MOGS: variants seen among roughly 807,000 people sequenced by gnomAD.
The protein encoded by MOGS is epididymis secretory sperm binding protein.
A neutral mutation model predicts 68.5 loss-of-function variants in MOGS; 45 were observed. That is an observed-to-expected ratio of 0.66 (90% CI 0.52 to 0.84). MOGS has a LOEUF of 0.84. Among genes scored for constraint, MOGS ranks in the 40% least tolerant of loss-of-function variants. The pLI is 0.00. For synonymous variants in MOGS, 492 were observed against 461.2 expected (o/e 1.07, Z -0.86); for missense variants, 1,020 against 1,095.0 (o/e 0.93, Z 0.97).
chr2:74,465,003 G>A lies in MOGS; in HGVS notation c.245C>T (p.Pro82Leu). The change falls in exon 1 of 4, where the codon CCT becomes CTT. Residue 82 changes from proline to leucine, a missense_variant. Physicochemically the swap from Pro to Leu is moderately conservative, Grantham distance 98. Coordinates refer to ENST00000448666, the MANE Select transcript of MOGS (RefSeq NM_006302.3). ...CACGGCGGGGCTGGAGGAGTCGGCAGGCAACACAGGAGGCGCGGAGTGCAG... is the reference window on the plus strand; with the variant it reads ...CACGGCGGGGCTGGAGGAGTCGGCAAGCAACACAGGAGGCGCGGAGTGCAG... ...VTLHSAPPVLPADSSSPAVAP... is the reference protein window; with the variant it reads ...VTLHSAPPVLLADSSSPAVAP... 6.4e-7 allele frequency: 1 copy of A among 1,556,762 alleles called. No individual in the cohort carries two copies. The highest frequency in any genetic ancestry group is 8.7e-7 in the Non-Finnish European group (1 of 1,150,260).
rs191809458 is a variant in MOGS at position 74,463,696 on chromosome 2, C to G, written c.580-310G>C. On this transcript the variant is annotated intron_variant, in intron 2 of 3. Transcript: ENST00000448666. ...TTTTTTTTTTTGAGGCGGAGTCTCG[C>G]TCTGTCGCCCAGGCTGGAGTGCAGT... The G allele has an allele frequency of 8.1e-3, 2,330 of 287,806 alleles. 12 individuals carry two copies. Among genetic ancestry groups the G allele is most frequent in the Non-Finnish European group, 0.011 (1,637 of 152,574 alleles). The allele number at this position is 287,806 out of a possible 1,614,324, so 17.8% of individuals were successfully genotyped here.
At position 74,462,907 on chromosome 2, in the gene MOGS, AGGG is replaced by A; in HGVS notation, c.879_881del (p.Pro294del). On this transcript the variant is annotated inframe_deletion, in exon 4 of 4. Coordinates refer to ENST00000448666, the MANE Select transcript of MOGS (RefSeq NM_006302.3). ...ATCCTGGCAAGCCGAGGTAGCGTTC[AGGG>A]GGGGCCCCTGGGGGCCGATGCTGAA... The A allele has an allele frequency of 1.2e-6, 2 of 1,613,844 alleles. No homozygotes were observed. The highest frequency in any genetic ancestry group is 1.7e-6 in the Non-Finnish European group (2 of 1,179,938).
Position 74,461,217 on chromosome 2 carries a change from T to C in MOGS, c.*58A>G. On this transcript the variant is annotated 3_prime_UTR_variant, in exon 4 of 4. Transcript: ENST00000448666. ...GGGCTGGGGGCAAAAGCCAGAAGCC[T>C]TTGTCCCTTCAGAGCCAGAGTGGCA... 2.5e-6 allele frequency: 4 copies of C among 1,605,586 alleles called. No homozygotes were observed.
rs758147712 is a variant in MOGS, at chr2:74,464,509, G to A, written c.566C>T (p.Thr189Ile). The change falls in exon 2 of 4, where the codon ACT becomes ATT. Residue 189 changes from threonine to isoleucine, a missense_variant. Physicochemically the swap from Thr to Ile is moderately conservative, Grantham distance 89. This residue lies in a region of MOGS where 569 missense variants were observed against 571.9 expected (regional missense o/e 0.99). Transcript: ENST00000448666. The part of the protein sequence containing the change: ...QHGGDWSWRV[T>I]VEPQDSGTSA... ...TGAGGCCCTGACCTGAGGCTCTACA[G>A]TCACTCTCCAGCTCCAGTCCCCTCC... is the stretch of plus-strand genomic sequence containing the variant. 1 of 1,614,104 alleles carries A rather than the reference G, an allele frequency of 6.2e-7. No homozygotes were observed. The highest frequency in any genetic ancestry group is 1.1e-5 in the South Asian group (1 of 91,084).
rs398124221 is a variant in MOGS at position 74,465,191 on chromosome 2, G to C, written c.57C>G (p.Ala19=). 3.4e-5 allele frequency: 52 copies of C among 1,534,624 alleles called. No individual in the cohort carries two copies. The highest frequency in any genetic ancestry group is 4.2e-5 in the Non-Finnish European group (48 of 1,150,186). ...CGGGGCCTCCCCGAGCCGCCCTCTC[G>C]GCTGTCCGCACTCCCTCTGCCGGCA... ...RAVPAEGVRT[A]ERAARGGPGR... is the part of the protein sequence containing the mutation. Residue 19 remains alanine (A), a synonymous_variant, in exon 1 of 4, where the codon GCC becomes GCG. Coordinates refer to ENST00000448666, the MANE Select transcript of MOGS (RefSeq NM_006302.3).
Position 74,464,511 on chromosome 2 carries a change from C to G in MOGS, c.564G>C (p.Val188=), listed in dbSNP as rs777582125. 1.4e-5 allele frequency: 22 copies of G among 1,614,130 alleles called. No homozygotes were observed. Among genetic ancestry groups the G allele is most frequent in the Non-Finnish European group, 1.8e-5 (21 of 1,180,036 alleles). ...AGGCCCTGACCTGAGGCTCTACAGTCACTCTCCAGCTCCAGTCCCCTCCGT... is the reference window on the plus strand; with the variant it reads ...AGGCCCTGACCTGAGGCTCTACAGTGACTCTCCAGCTCCAGTCCCCTCCGT... ...GQHGGDWSWR[V]TVEPQDSGTS... The change falls in exon 2 of 4, where the codon GTG becomes GTC. Residue 188 remains valine (V), a synonymous_variant. Coordinates refer to ENST00000448666, the MANE Select transcript of MOGS (RefSeq NM_006302.3).
Position 74,461,200 on chromosome 2 carries a change from G to T in MOGS, c.*75C>A. The T allele has an allele frequency of 6.3e-7, 1 of 1,578,510 alleles. No individual in the cohort carries two copies. Among genetic ancestry groups the T allele is most frequent in the South Asian group, 1.1e-5 (1 of 89,228 alleles). On this transcript the variant is annotated 3_prime_UTR_variant, in exon 4 of 4. Transcript: ENST00000448666. ...AATTACTGGTATCCAAGGGGCTGGG[G>T]GCAAAAGCCAGAAGCCTTTGTCCCT...
chr2:74,462,265 G>C lies in MOGS; in HGVS notation c.1524C>G (p.Val508=), dbSNP rs369022417. The change falls in exon 4 of 4, where the codon GTC becomes GTG. Residue 508 remains valine, a synonymous_variant. Transcript: ENST00000448666. ...VPPEFLVQRA[V]HANPPTLLLP... ...AAAGTAGGGTTGGGGGGTTGGCGTG[G>C]ACTGCTCGTTGTACTAGGAATTCTG... is the stretch of plus-strand genomic sequence containing the variant. 1.7e-5 allele frequency: 27 copies of C among 1,613,858 alleles called. No homozygotes were observed. Among genetic ancestry groups the C allele is most frequent in the Non-Finnish European group, 2.2e-5 (26 of 1,180,036 alleles).
Position 74,465,226 on chromosome 2 carries a change from G to A in MOGS, c.22C>T (p.Arg8Cys), listed in dbSNP as rs1672036954. 1.4e-6 allele frequency: 2 copies of A among 1,446,174 alleles called. No homozygotes were observed. The highest frequency in any genetic ancestry group is 1.8e-6 in the Non-Finnish European group (2 of 1,115,852). 89.6% of individuals were successfully genotyped at this position (1,446,174 alleles called of 1,614,324 possible). A position where few individuals can be genotyped will look rare whatever the true frequency, so the allele number is the denominator to read the frequency against. ...ACTCCCTCTGCCGGCACTGCGCGGCGCCGCCGCTCGCCCCGAGCCATCCTG... is the reference window on the plus strand; with the variant it reads ...ACTCCCTCTGCCGGCACTGCGCGGCACCGCCGCTCGCCCCGAGCCATCCTG... MARGERR[R>C]RAVPAEGVRT... Residue 8 changes from arginine (R) to cysteine (C), a missense_variant, in exon 1 of 4, where the codon CGC becomes TGC. Physicochemically the swap from Arg to Cys is radical, Grantham distance 180. Coordinates refer to ENST00000448666, the MANE Select transcript of MOGS (RefSeq NM_006302.3).
At position 74,465,074 on chromosome 2, in the gene MOGS, C is replaced by A. The variant is rs1366819003; in HGVS notation, c.174G>T (p.Ser58=). 7 of 1,556,390 alleles carry A rather than the reference C, an allele frequency of 4.5e-6. No homozygotes were observed. The highest frequency in any genetic ancestry group is 1.4e-5 in the African/African-American group (1 of 73,442). Residue 58 remains serine, a synonymous_variant, in exon 1 of 4, where the codon TCG becomes TCT. Transcript: ENST00000448666. ...GGTACCACGCCAGCACCCAGCGCCCCGACATACCCAGGGCCAAAGACAGGA... is the reference window on the plus strand; with the variant it reads ...GGTACCACGCCAGCACCCAGCGCCCAGACATACCCAGGGCCAAAGACAGGA... The part of the protein sequence containing the change: ...VVVLSLALGM[S]GRWVLAWYRA...
In MOGS at chr2:74,463,041, A is replaced by G. The variant is rs748255850; in HGVS notation, c.777-29T>C. Reference sequence around the variant, plus strand: ...GAAGGGGAGAAGATAAATAGGAAATATTATTCAAGAGAAGGCAGTGGGCAT... The same window carrying G: ...GAAGGGGAGAAGATAAATAGGAAATGTTATTCAAGAGAAGGCAGTGGGCAT... On this transcript the variant is annotated intron_variant, in intron 3 of 3. Transcript: ENST00000448666. 2.5e-6 allele frequency: 4 copies of G among 1,613,454 alleles called. No individual in the cohort carries two copies. The South Asian group carries it at 3.3e-5, about 13-fold the overall frequency.
At chr2:74,463,851 G>A (rs1458087771) in intron 2 of MOGS, among the ~76,000 whole-genome samples, 16 of 150,556 alleles carry the variant, frequency 1.1e-4, no homozygotes, top group Admixed American at 9.3e-4. Flanking sequence ...TTTTAGTAGA[G>A]ACCGGGTTTC....
At position 74,462,381 on chromosome 2, in the gene MOGS, C is replaced by A; in HGVS notation, c.1408G>T (p.Ala470Ser). 1 of 1,614,144 alleles carries A rather than the reference C, an allele frequency of 6.2e-7. No homozygotes were observed. Among genetic ancestry groups the A allele is most frequent in the East Asian group, 2.2e-5 (1 of 44,888 alleles). Residue 470 changes from alanine (A) to serine (S), a missense_variant, in exon 4 of 4, where the codon GCC becomes TCC. Transcript: ENST00000448666. The part of the protein sequence containing the change: ...QRWDPSLTRE[A>S]LGHWLGLLNA... ...AGCAGCCCCAGCCAGTGGCCAAGGGCTTCCCGGGTGAGGGAGGGATCCCAC... is the reference window on the plus strand; with the variant it reads ...AGCAGCCCCAGCCAGTGGCCAAGGGATTCCCGGGTGAGGGAGGGATCCCAC...
In MOGS at chr2:74,465,243, G is replaced by A; in HGVS notation, c.5C>T (p.Ala2Val). 2 of 1,442,458 alleles carry A rather than the reference G, an allele frequency of 1.4e-6. No individual in the cohort carries two copies. The highest frequency in any genetic ancestry group is 3.0e-5 in the Admixed American group (1 of 33,684). The allele number at this position is 1,442,458 out of a possible 1,614,324, so 89.4% of individuals were successfully genotyped here. A position where few individuals can be genotyped will look rare whatever the true frequency, so the allele number is the denominator to read the frequency against. The part of the protein sequence containing the change: M[A>V]RGERRRRAVP... ...TGCGCGGCGCCGCCGCTCGCCCCGA[G>A]CCATCCTGGCACTGAGGTCCGCGTC... The change falls in exon 1 of 4, where the codon GCT (alanine) becomes GTT (valine). Residue 2 changes from alanine (A) to valine (V), a missense_variant. By Grantham distance (64) the Ala-to-Val change is moderately conservative. Around this residue, in one of 3 missense-constraint regions of MOGS, gnomAD observed 569 missense variants for 571.9 expected, o/e 0.99. Coordinates refer to ENST00000448666, the MANE Select transcript of MOGS (RefSeq NM_006302.3).
Position 74,464,674 on chromosome 2 carries a change from C to T in MOGS, c.401G>A (p.Arg134Lys), listed in dbSNP as rs767078783. ...QGTTPGTPKL[R>K]HTCEQGDGVG... ...ACCGTCCCCCTGCTCACACGTGTGC[C>T]TGAGCTTAGGAGTCCCCGGGGTGGT... The change falls in exon 2 of 4, where the codon AGG (arginine) becomes AAG (lysine). Residue 134 changes from arginine (R) to lysine (K), a missense_variant. Physicochemically the swap from Arg to Lys is conservative, Grantham distance 26. Coordinates refer to ENST00000448666, the MANE Select transcript of MOGS (RefSeq NM_006302.3). 2 of 1,613,904 alleles carry T rather than the reference C, an allele frequency of 1.2e-6. No homozygotes were observed. Among genetic ancestry groups the T allele is most frequent in the African/African-American group, 2.7e-5 (2 of 74,952 alleles).
rs1482002989 is a variant in MOGS, at chr2:74,461,496, C to A, written c.2293G>T (p.Ala765Ser). The A allele has an allele frequency of 1.2e-6, 2 of 1,614,016 alleles. No homozygotes were observed. Among genetic ancestry groups the A allele is most frequent in the Non-Finnish European group, 1.7e-6 (2 of 1,179,926 alleles). The change falls in exon 4 of 4, where the codon GCA becomes TCA. Residue 765 changes from alanine (A) to serine (S), a missense_variant. Ala to Ser is a moderately conservative substitution (Grantham distance 99). This residue lies in a region of MOGS where 270 missense variants were observed against 261.3 expected (regional missense o/e 1.03). Transcript: ENST00000448666. ...TCCAGATGCCCATAGTGGTGGAGTG[C>A]TCCCAAAGCCAGGTAGTTGACATTG... ...WLNVNYLALG[A>S]LHHYGHLEGP...
At chr2:74,464,849 G>T (rs1421882974) in intron 1 of MOGS, 47 bp downstream of exon 1, 1 of 1,580,390 alleles carries the variant, frequency 6.3e-7, no homozygotes, top group Non-Finnish European at 8.6e-7. Context: ...AAGCTGGGGC[G>T]CCCAGATTAG....
Position 74,464,735 on chromosome 2 carries a change from T to G in MOGS, c.353-13A>C. ...GCCCACATCAGTCCTGGGGGTAGAA[T>G]GGCCACGTAAGTCAAAGAGCAGGGG... is the stretch of plus-strand genomic sequence containing the variant. On this transcript the variant is annotated splice_polypyrimidine_tract_variant and intron_variant, in intron 1 of 3. Transcript: ENST00000448666. 4 of 1,607,336 alleles carry G rather than the reference T, an allele frequency of 2.5e-6. No homozygotes were observed. Among genetic ancestry groups the G allele is most frequent in the Non-Finnish European group, 3.4e-6 (4 of 1,175,362 alleles).
intron 3 of MOGS, 47 bp from the exon 4 acceptor site, chr2:74,463,059 G>A: frequency 6.2e-7 from 1 of 1,612,636 alleles, no homozygotes; most frequent in Non-Finnish European, 8.5e-7. Context: ...AGAGAAGGCA[G>A]TGGGCATTAT....
Sources: allele counts gnomAD v4.1 joint callset (sites outside exome capture counted in the v4.1 genomes callset), GRCh38; gene constraint gnomAD v4.1.1; regional missense constraint gnomAD v4.1.1; transcripts MANE v1.5; gene names NCBI Gene and HGNC (gene_info 2026-07-23, HGNC 2026-07-21).